Variants in DCDC1 observed in about 807,000 individuals in gnomAD.
DCDC1 encodes doublecortin domain containing 1, also known as doublecortin domain-containing protein 1.
Under a neutral mutation model 178.3 loss-of-function variants are expected in DCDC1, and 200 were observed. The ratio of observed to expected loss-of-function variants is 1.12; its 90% CI spans 1.00 to 1.26. The LOEUF (loss-of-function observed/expected upper bound fraction) is 1.26, where lower values mean the gene tolerates loss of function less well. DCDC1 is among the 50% of genes most tolerant of loss of function. DCDC1 has a pLI of 0.00. For missense variants in DCDC1, 1,983 were observed against 1,749.2 expected, an observed-to-expected ratio of 1.13 and a Z score of -2.38; for synonymous variants, 690 against 604.8, an observed-to-expected ratio of 1.14 and a Z score of -2.07.
chr11:31,300,771 CTG>C (rs924959064), intron 6 of DCDC1, among the ~76,000 whole-genome samples: 4 of 152,070 alleles, frequency 2.6e-5, no homozygotes, highest in African/African-American at 9.7e-5. Context: ...TTAAAGGTAA[CTG>C]TTTCATTTTC....
At chr11:31,088,538 C>A (rs1256172196) in intron 17 of DCDC1, among the ~76,000 whole-genome samples, 1 of 152,032 alleles carries the variant, frequency 6.6e-6, no homozygotes, top group Non-Finnish European at 1.5e-5. Context: ...GATATCACAT[C>A]ATTTCACAAA....
chr11:31,268,177 G>A lies in DCDC1; in HGVS notation c.961-2577C>T, dbSNP rs1024002456. ...TTTAAAAGTATAATGATGTCCTTCG[G>A]TACAATTTATATTTCCTAGTTATGA... On this transcript the variant is annotated intron_variant, in intron 7 of 38. Coordinates refer to ENST00000684477, the MANE Select transcript of DCDC1 (RefSeq NM_001387274.1). Among the ~76,000 whole-genome samples the A allele has an allele frequency of 2.6e-5, 4 of 151,950 alleles. 1 individual carries two copies. Among genetic ancestry groups the A allele is most frequent in the Admixed American group, 2.6e-4 (4 of 15,260 alleles).
At chr11:31,026,298 C>T (rs1042947553) in intron 20 of DCDC1, among the ~76,000 whole-genome samples, 3 of 151,722 alleles carry the variant, frequency 2.0e-5, no homozygotes, top group Admixed American at 2.0e-4. Context: ...CGTACCTTTA[C>T]ATAATGAAGA....
chr11:31,015,534 T>C (rs1324563316), intron 20 of DCDC1, among the ~76,000 whole-genome samples: 1 of 152,196 alleles, frequency 6.6e-6, no homozygotes, highest in Non-Finnish European at 1.5e-5. Flanking sequence ...GTAAAAACTA[T>C]ATTTCTCTTA....
intron 21 of DCDC1, among the ~76,000 whole-genome samples, chr11:30,948,540 T>C (rs1173077299): frequency 6.6e-6 from 1 of 152,176 alleles, no homozygotes; most frequent in Non-Finnish European, 1.5e-5. Flanking sequence ...AGAGCCCTCA[T>C]AGCCAAGACA....
intron 3 of DCDC1, among the ~76,000 whole-genome samples, chr11:31,313,265 A>G (rs1426497058): frequency 6.6e-6 from 1 of 152,180 alleles, no homozygotes; most frequent in Non-Finnish European, 1.5e-5. Flanking sequence ...TGGTTATGCT[A>G]GCCATTACAA....
At chr11:31,013,271 C>T (rs114125142) in intron 20 of DCDC1, among the ~76,000 whole-genome samples, 184 of 152,116 alleles carry the variant, frequency 1.2e-3, no homozygotes, top group South Asian at 3.9e-3. Context: ...TTTTCAAGAG[C>T]GCTCCACTGG....
intron 9 of DCDC1, among the ~76,000 whole-genome samples, chr11:31,213,137 CTCTCTCTCTCTCTCTCTCTCTCTCTG>C: frequency 7.1e-6 from 1 of 141,458 alleles, no homozygotes; most frequent in African/African-American, 2.7e-5. Flanking sequence ...CTCTCTCTCT[CTCTCTCTCTCTCTCTCTCTCTCTCTG>C]CTTTCTTTAC....
intron 27 of DCDC1, among the ~76,000 whole-genome samples, chr11:30,912,813 T>TA (rs1245105236): frequency 3.3e-5 from 5 of 152,228 alleles, no homozygotes; most frequent in Non-Finnish European, 1.5e-5. Context: ...TATATACATA[T>TA]GTAATGTACA....
intron 3 of DCDC1, among the ~76,000 whole-genome samples, chr11:31,321,726 A>G (rs1949372300): frequency 6.6e-6 from 1 of 152,044 alleles, no homozygotes; most frequent in South Asian, 2.1e-4. Context: ...GCTAATCTAT[A>G]CCTATTACTG....
At chr11:31,180,039 T>C (rs540534040) in intron 9 of DCDC1, among the ~76,000 whole-genome samples, 3 of 152,246 alleles carry the variant, frequency 2.0e-5, no homozygotes, top group Admixed American at 6.5e-5. Context: ...CATATGATCA[T>C]CTCAATAGAC....
At chr11:31,357,031 C>T (rs889262085) in intron 1 of DCDC1, among the ~76,000 whole-genome samples, 4 of 151,070 alleles carry the variant, frequency 2.6e-5, no homozygotes, top group Admixed American at 2.6e-4. Context: ...GGTACCATTC[C>T]TTCTGAAACT....
At chr11:30,967,335 A>T (rs1949494307) in intron 20 of DCDC1, among the ~76,000 whole-genome samples, 2 of 151,212 alleles carry the variant, frequency 1.3e-5, no homozygotes, top group Admixed American at 1.3e-4. Flanking sequence ...TGTAAGTTGG[A>T]TTCCTAGGTA....
chr11:31,318,932 G>C (rs922273298), intron 3 of DCDC1, among the ~76,000 whole-genome samples: 1 of 46,122 alleles, frequency 2.2e-5, no homozygotes, highest in African/African-American at 2.6e-4. Flanking sequence ...AGTCATTCAG[G>C]AGCAAGTTGT....
intron 9 of DCDC1, among the ~76,000 whole-genome samples, chr11:31,163,757 A>C (rs187305321): frequency 8.5e-4 from 129 of 152,262 alleles, no homozygotes; most frequent in African/African-American, 2.9e-3. Context: ...ATTTATAAGA[A>C]ATATGCTTAG....
intron 20 of DCDC1, among the ~76,000 whole-genome samples, 166 bp downstream of exon 20, chr11:31,064,303 T>C (rs1054052249): frequency 2.0e-5 from 3 of 152,156 alleles, no homozygotes; most frequent in African/African-American, 7.2e-5. Flanking sequence ...AAAATACACA[T>C]AAATGTCACC....
intron 9 of DCDC1, among the ~76,000 whole-genome samples, chr11:31,232,730 TA>T (rs1240842311): frequency 2.0e-5 from 3 of 152,156 alleles, no homozygotes; most frequent in South Asian, 2.1e-4. Context: ...TTAATTACTT[TA>T]TAATATTAAT....
chr11:31,010,555 A>G (rs140949473), intron 20 of DCDC1, among the ~76,000 whole-genome samples: 1 of 152,342 alleles, frequency 6.6e-6, no homozygotes, highest in African/African-American at 2.4e-5. Context: ...ACAGAATAAC[A>G]TCCCATCACC....
At chr11:30,899,463 T>G in intron 34 of DCDC1, 78 bp downstream of exon 34, 1 of 829,356 alleles carries the variant, frequency 1.2e-6, no homozygotes, top group Non-Finnish European at 1.7e-6. Flanking sequence ...TGGTATCTAA[T>G]GGTAGAAAAT....
Sources: gnomAD v4.1 joint callset for allele counts (sites outside exome capture counted in the v4.1 genomes callset) on GRCh38, gnomAD v4.1.1 for gene constraint, MANE v1.5 for transcripts, NCBI Gene and HGNC (gene_info 2026-07-23, HGNC 2026-07-21) for gene names.